KIF1B: variants seen among roughly 807,000 people sequenced by gnomAD.
KIF1B encodes the protein kinesin family member 1B, also known as kinesin-like protein KIF1B.
In KIF1B, 76 loss-of-function variants were observed where a neutral mutation model predicts 241.9. That is an observed-to-expected ratio of 0.31 (90% CI 0.26 to 0.38). KIF1B has a LOEUF of 0.38. Among genes scored for constraint, KIF1B ranks in the 10% least tolerant of loss-of-function variants. The probability of loss-of-function intolerance (pLI) is 1.00; values close to 1 mark genes in which losing one functional copy is unlikely to be tolerated. For missense variants in KIF1B, 1,622 were observed against 2,271.4 expected (o/e 0.71, Z 5.81); for synonymous variants, 750 against 796.7 (o/e 0.94, Z 0.99).
At chr1:10,290,645 G>A (rs911071831) in intron 15 of KIF1B, among the ~76,000 whole-genome samples, 2 of 151,312 alleles carry the variant, frequency 1.3e-5, no homozygotes, top group African/African-American at 4.9e-5. Flanking sequence ...CCATGCCCAC[G>A]TGGATCACGA....
At chr1:10,299,082 A>AG (rs1557697635) in intron 22 of KIF1B, 3 of 151,908 alleles carry the variant, frequency 2.0e-5, no homozygotes, top group African/African-American at 7.2e-5. Flanking sequence ...AAAAAAAAAA[A>AG]AAAGAAACAA....
chr1:10,273,396 AT>A (rs1648907044), intron 10 of KIF1B, among the ~76,000 whole-genome samples: 3 of 152,294 alleles, frequency 2.0e-5, no homozygotes, highest in Non-Finnish European at 4.4e-5. Flanking sequence ...TCTACTAAAA[AT>A]ACAAAAATTA....
chr1:10,240,069 A>T (rs573296024), intron 2 of KIF1B, among the ~76,000 whole-genome samples: 1 of 150,702 alleles, frequency 6.6e-6, no homozygotes, highest in East Asian at 1.9e-4. Context: ...CCTAGCTGCT[A>T]ATTTTTGTAT....
intron 28 of KIF1B, among the ~76,000 whole-genome samples, chr1:10,335,532 G>A (rs898050021): frequency 2.6e-5 from 4 of 152,100 alleles, no homozygotes; most frequent in Admixed American, 1.3e-4. Context: ...GATTACAGGC[G>A]TCAGCCACTG....
Position 10,326,016 on chromosome 1 carries a change from A to C in KIF1B, c.2676-95A>C. 4.1e-6 allele frequency: 6 copies of C among 1,478,726 alleles called. No homozygotes were observed. The highest frequency in any genetic ancestry group is 5.6e-6 in the Non-Finnish European group (6 of 1,064,436). The allele number at this position is 1,478,726 out of a possible 1,614,324, so 91.6% of individuals were successfully genotyped here. The stretch of plus-strand genomic sequence containing the variant: ...TTTGCTTTTATTGTGTTGATTCCCC[A>C]GTGGATTCTGTCCTGTTAGCACCTA... On this transcript the variant is annotated intron_variant, in intron 26 of 48. Coordinates refer to ENST00000676179, the MANE Select transcript of KIF1B (RefSeq NM_001365951.3). This position sits in a 1 kb window ranked among gnomAD's most constrained non-coding sequence, Gnocchi z 5.2.
intron 27 of KIF1B, among the ~76,000 whole-genome samples, chr1:10,333,161 C>T (rs1652020149): frequency 6.6e-6 from 1 of 151,688 alleles, no homozygotes; most frequent in South Asian, 2.1e-4. Flanking sequence ...CACGGTGGCT[C>T]ACGCCTGTAA....
chr1:10,279,148 T>G lies in KIF1B; in HGVS notation c.1222+10T>G. 6.6e-7 allele frequency: 1 copy of G among 1,516,870 alleles called. No individual in the cohort carries two copies. The highest frequency in any genetic ancestry group is 2.5e-5 in the East Asian group (1 of 40,218). 94.0% of individuals were successfully genotyped at this position (1,516,870 alleles called of 1,614,324 possible). ...GGAAGTGGAAGCAAATGTGTGTATTTCACATATTGGTTATTTCCAGTACTC... is the reference window on the plus strand; with the variant it reads ...GGAAGTGGAAGCAAATGTGTGTATTGCACATATTGGTTATTTCCAGTACTC... On this transcript the variant is annotated intron_variant, in intron 14 of 48. Transcript: ENST00000676179.
chr1:10,301,224 GCAAA>G (rs1650525991), intron 22 of KIF1B, among the ~76,000 whole-genome samples: 3 of 152,066 alleles, frequency 2.0e-5, no homozygotes, highest in African/African-American at 7.2e-5. Flanking sequence ...TCAGTTTCAA[GCAAA>G]CAAACTCTTC....
chr1:10,269,149 C>T (rs573241069), intron 7 of KIF1B, among the ~76,000 whole-genome samples: 20 of 152,120 alleles, frequency 1.3e-4, no homozygotes, highest in East Asian at 1.9e-4. Flanking sequence ...ACTTTAGACA[C>T]CACTGTCACT....
In KIF1B at chr1:10,326,336, C is replaced by T. The variant is rs1569831298; in HGVS notation, c.2901C>T (p.Ser967=). 1 of 1,614,098 alleles carries T rather than the reference C, an allele frequency of 6.2e-7. No homozygotes were observed. Among genetic ancestry groups the T allele is most frequent in the South Asian group, 1.1e-5 (1 of 91,074 alleles). The change falls in exon 27 of 49, where the codon TCC becomes TCT. Residue 967 remains serine (S), a synonymous_variant. Transcript: ENST00000676179. The surrounding 1 kb of genome is among the most constrained non-coding windows in gnomAD (Gnocchi z 5.2). ...SDGHDPFYDR[S]PWFILVGRAF... ...GGCATGACCCGTTTTACGACCGATC[C>T]CCTTGGTTCATTTTAGTGGGAAGGT...
At position 10,263,518 on chromosome 1, in the gene KIF1B, G is replaced by A. The variant is rs145168953; in HGVS notation, c.429+1548G>A. On this transcript the variant is annotated intron_variant, in intron 5 of 48. Transcript: ENST00000676179. ...TGTTCTGATTCTCTGTAGCCTTACA[G>A]CATTTCATTCCTAGTTAATTCATTT... Among the ~76,000 whole-genome samples, 1,335 of 152,016 alleles carry A rather than the reference G, an allele frequency of 8.8e-3. 7 individuals carry two copies. The highest frequency in any genetic ancestry group is 0.015 in the Non-Finnish European group (999 of 68,000).
chr1:10,369,458 C>T (rs1449599731), intron 44 of KIF1B, among the ~76,000 whole-genome samples: 1 of 151,576 alleles, frequency 6.6e-6, no homozygotes, highest in Non-Finnish European at 1.5e-5. Context: ...GCACAAATAC[C>T]CTATCTCTAC....
At chr1:10,218,766 T>C (rs901120011) in intron 1 of KIF1B, among the ~76,000 whole-genome samples, 1 of 152,196 alleles carries the variant, frequency 6.6e-6, no homozygotes, top group Admixed American at 6.5e-5. Flanking sequence ...TTTGGTTTTA[T>C]TTGTTTTTAG....
Position 10,363,353 on chromosome 1 carries a change from T to C in KIF1B, c.4366+9T>C, listed in dbSNP as rs767356467. Reference sequence around the variant, plus strand: ...AGACACAGGTAGTCCAGGTAAGCTCTTGTGGATTGAGGAGGTGATAGTTAT... The same window carrying C: ...AGACACAGGTAGTCCAGGTAAGCTCCTGTGGATTGAGGAGGTGATAGTTAT... On this transcript the variant is annotated intron_variant, in intron 41 of 48. Transcript: ENST00000676179. 3.7e-6 allele frequency: 6 copies of C among 1,600,578 alleles called. No individual in the cohort carries two copies. In the African/African-American group the frequency reaches 6.7e-5, roughly 18 times the overall value.
At chr1:10,257,347 G>A (rs912704292) in intron 3 of KIF1B, among the ~76,000 whole-genome samples, 2 of 150,920 alleles carry the variant, frequency 1.3e-5, no homozygotes, top group African/African-American at 4.9e-5. Context: ...GGTGGCGGGT[G>A]CCTGTAATCC....
intron 5 of KIF1B, among the ~76,000 whole-genome samples, chr1:10,262,691 T>C (rs963711926): frequency 6.6e-6 from 1 of 152,240 alleles, no homozygotes; most frequent in Non-Finnish European, 1.5e-5. Context: ...ATTTTGAATT[T>C]CTTTGATTAC....
chr1:10,304,738 C>A (rs553770244), intron 22 of KIF1B: 4 of 1,559,608 alleles, frequency 2.6e-6, no homozygotes, highest in South Asian at 1.2e-5. Flanking sequence ...GCCTTGAGTT[C>A]TTATTATTTA....
At chr1:10,233,302 T>C (rs1487950504) in intron 2 of KIF1B, among the ~76,000 whole-genome samples, 1 of 152,128 alleles carries the variant, frequency 6.6e-6, no homozygotes, top group Non-Finnish European at 1.5e-5. Context: ...GATAAGGGCT[T>C]GCAACAATCT....
chr1:10,212,708 A>G lies in KIF1B; in HGVS notation c.-80+1830A>G, dbSNP rs566693239. Among the ~76,000 whole-genome samples the G allele has an allele frequency of 1.4e-4, 21 of 151,712 alleles. 3 individuals are homozygous for G. The South Asian group carries it at 4.4e-3, about 32-fold the overall frequency. On this transcript the variant is annotated intron_variant, in intron 1 of 48. Transcript: ENST00000676179. ...AGACCACCCTGGGCAACAGAGTGGG[A>G]CTCTGTCTCTACAAAAATAAATGAA...
Sources: allele counts gnomAD v4.1 joint callset (sites outside exome capture counted in the v4.1 genomes callset), GRCh38; gene constraint gnomAD v4.1.1; non-coding constraint Gnocchi (gnomAD v3.1); transcripts MANE v1.5; gene names NCBI Gene and HGNC (gene_info 2026-07-23, HGNC 2026-07-21).